Variants in GLIS3 observed in about 807,000 individuals in gnomAD.
The protein encoded by GLIS3 is zinc finger protein GLIS3.
Under a neutral mutation model 78.6 loss-of-function variants are expected in GLIS3, and 53 were observed. The observed-to-expected ratio is 0.67, with a 90% CI of 0.54 to 0.85. The LOEUF is 0.85. GLIS3 is among the 40% of genes least tolerant of loss of function. The pLI is 0.00. For synonymous variants in GLIS3, 684 were observed against 509.9 expected (o/e 1.34, Z -4.60); for missense variants, 1,703 against 1,231.1 (o/e 1.38, Z -5.74).
chr9:4,368,593 C>T, the GLIS3 span, among the ~76,000 whole-genome samples: 2 of 152,166 alleles, frequency 1.3e-5, no homozygotes, highest in Non-Finnish European at 2.9e-5. Flanking sequence ...CCTCGTGATC[C>T]ACCCGCCTCG....
intron 4 of GLIS3, among the ~76,000 whole-genome samples, chr9:4,011,382 C>G (rs924697735): frequency 5.9e-5 from 9 of 152,102 alleles, no homozygotes; most frequent in Admixed American, 1.3e-4. Context: ...AGCAAATGAC[C>G]AGAAGACAAA....
chr9:3,932,648 A>G (rs1237986980), intron 5 of GLIS3, 178 bp from the exon 6 acceptor site: 3 of 575,216 alleles, frequency 5.2e-6, no homozygotes, highest in East Asian at 3.2e-5. Context: ...ATCATGGTTA[A>G]GAGAAGGGTA....
At chr9:3,967,284 A>C (rs937931553) in intron 4 of GLIS3, among the ~76,000 whole-genome samples, 2 of 152,164 alleles carry the variant, frequency 1.3e-5, no homozygotes, top group Non-Finnish European at 2.9e-5. Context: ...CGGGCAGATC[A>C]CCTAAGATCA....
chr9:4,313,607 C>G (rs549652108), intron 2 of GLIS3, among the ~76,000 whole-genome samples: 1 of 152,168 alleles, frequency 6.6e-6, no homozygotes, highest in East Asian at 1.9e-4. Flanking sequence ...TGATTTTTCT[C>G]TCTGGCAGTA....
the GLIS3 span, among the ~76,000 whole-genome samples, chr9:4,468,513 G>A: frequency 6.6e-6 from 1 of 152,140 alleles, no homozygotes; most frequent in Non-Finnish European, 1.5e-5. Context: ...TTTCAACCCA[G>A]AATTTCATAT....
chr9:4,149,089 C>A (rs1337515316), intron 2 of GLIS3, among the ~76,000 whole-genome samples: 1 of 152,178 alleles, frequency 6.6e-6, no homozygotes, highest in African/African-American at 2.4e-5. Flanking sequence ...CATGCTTCCT[C>A]ACCAAGAACT....
At chr9:4,192,605 A>T (rs1818425613) in intron 2 of GLIS3, among the ~76,000 whole-genome samples, 1 of 152,134 alleles carries the variant, frequency 6.6e-6, no homozygotes, top group South Asian at 2.1e-4. Context: ...ATTCCATTCC[A>T]CTTATTCATT....
intron 4 of GLIS3, among the ~76,000 whole-genome samples, chr9:3,989,160 T>C (rs937511139): frequency 6.6e-6 from 1 of 152,184 alleles, no homozygotes; most frequent in Non-Finnish European, 1.5e-5. Context: ...TCAACATCAC[T>C]AATCATCAGG....
At chr9:4,101,674 G>C (rs139912472) in intron 4 of GLIS3, among the ~76,000 whole-genome samples, 4 of 152,136 alleles carry the variant, frequency 2.6e-5, no homozygotes, top group African/African-American at 9.7e-5. Flanking sequence ...TTTTTAAACT[G>C]TTTCCAATTA....
chr9:4,045,529 G>A (rs1291533450), intron 4 of GLIS3, among the ~76,000 whole-genome samples: 45 of 151,256 alleles, frequency 3.0e-4, no homozygotes, highest in Non-Finnish European at 1.9e-4. Context: ...AGGTAGAGAT[G>A]GGTTTCACCA....
intron 2 of GLIS3, among the ~76,000 whole-genome samples, chr9:4,270,377 C>T (rs1826393939): frequency 6.6e-6 from 1 of 152,206 alleles, no homozygotes; most frequent in African/African-American, 2.4e-5. Flanking sequence ...ACATTTATCA[C>T]CTCAGTCTCC....
At position 4,286,054 on chromosome 9, in the gene GLIS3, A is replaced by C. The variant is rs1162535404; in HGVS notation, c.372T>G (p.Pro124=). Residue 124 remains proline, a synonymous_variant, in exon 2 of 11, where the codon CCT becomes CCG. Coordinates refer to ENST00000381971, the MANE Select transcript of GLIS3 (RefSeq NM_001042413.2). ...CAATCCTACCTTTCCCAGGATTTGG[A>C]GGAAAAGGGCTTCCAAACTCCTGCT... ...PKQQEFGSPF[P]PNPGKGALGF... 1.2e-6 allele frequency: 2 copies of C among 1,613,762 alleles called. No individual in the cohort carries two copies. Among genetic ancestry groups the C allele is most frequent in the Admixed American group, 3.3e-5 (2 of 59,968 alleles).
the GLIS3 span, among the ~76,000 whole-genome samples, chr9:4,405,181 C>A: frequency 6.6e-6 from 1 of 151,850 alleles, no homozygotes; most frequent in African/African-American, 2.4e-5. Context: ...ATGGAGAAAT[C>A]CCATCTCTAC....
At chr9:3,951,878 A>ACACACACG (rs1252040970) in intron 4 of GLIS3, among the ~76,000 whole-genome samples, 5 of 148,820 alleles carry the variant, frequency 3.4e-5, no homozygotes, top group African/African-American at 1.2e-4. Context: ...ACACACACAC[A>ACACACACG]CACACACGCA....
chr9:4,247,463 T>C (rs1224240612), intron 2 of GLIS3, among the ~76,000 whole-genome samples: 1 of 152,186 alleles, frequency 6.6e-6, no homozygotes, highest in African/African-American at 2.4e-5. Context: ...CACCCTCTCA[T>C]GCACCCTGTC....
intron 2 of GLIS3, among the ~76,000 whole-genome samples, chr9:4,134,703 T>C (rs1026655928): frequency 1.3e-5 from 2 of 152,224 alleles, no homozygotes; most frequent in African/African-American, 4.8e-5. Context: ...ATTATCTAAC[T>C]TAGGTGTGCA....
chr9:3,884,475 T>C (rs942518564), intron 7 of GLIS3, among the ~76,000 whole-genome samples: 1 of 152,180 alleles, frequency 6.6e-6, no homozygotes, highest in Admixed American at 6.5e-5. Context: ...TCTCAAGCTT[T>C]AATGTGCAAA....
chr9:4,259,301 C>A (rs1825284372), intron 2 of GLIS3, among the ~76,000 whole-genome samples: 1 of 149,374 alleles, frequency 6.7e-6, no homozygotes, highest in African/African-American at 2.6e-5. Context: ...TAATTGATTG[C>A]AGAACCAAGA....
exon 2 of GLIS3, chr9:4,347,128 T>G (rs1035125021): frequency 2.0e-5 from 3 of 152,510 alleles, no homozygotes; most frequent in African/African-American, 7.2e-5. Context: ...CTGCTTGGCT[T>G]CAGGTGAGGG....
Sources: allele counts gnomAD v4.1 joint callset (sites outside exome capture counted in the v4.1 genomes callset), GRCh38; gene constraint gnomAD v4.1.1; transcripts MANE v1.5; gene names NCBI Gene and HGNC (gene_info 2026-07-23, HGNC 2026-07-21).